XRRA1: variants seen among roughly 807,000 people sequenced by gnomAD.
XRRA1 encodes X-ray radiation resistance-associated protein 1.
A neutral mutation model predicts 80.2 loss-of-function variants in XRRA1; 69 were observed. The ratio of observed to expected loss-of-function variants is 0.86; its 90% CI spans 0.71 to 1.05. The LOEUF is 1.05. Among genes scored for constraint, XRRA1 ranks in the 50% least tolerant of loss-of-function variants. The probability of loss-of-function intolerance (pLI) is 0.00; values close to 1 mark genes in which losing one functional copy is unlikely to be tolerated. For synonymous variants in XRRA1, 348 were observed against 389.9 expected, an observed-to-expected ratio of 0.89 and a Z score of 1.27; for missense variants, 967 against 976.4, an observed-to-expected ratio of 0.99 and a Z score of 0.13.
At chr11:74,883,281 C>A (rs1419549975) in intron 10 of XRRA1, among the ~76,000 whole-genome samples, 2 of 152,200 alleles carry the variant, frequency 1.3e-5, no homozygotes, top group Admixed American at 6.5e-5. Context: ...TTTCCAGGTG[C>A]CGTCCGTCAC....
At chr11:74,906,654 G>T (rs2054667279) in intron 9 of XRRA1, among the ~76,000 whole-genome samples, 198 bp from the exon 10 acceptor site, 1 of 152,136 alleles carries the variant, frequency 6.6e-6, no homozygotes, top group Admixed American at 6.5e-5. Flanking sequence ...TAACCTTTCA[G>T]GGTTCTTGTG....
intron 13 of XRRA1, 89 bp downstream of exon 13, chr11:74,851,900 A>G: frequency 1.8e-6 from 2 of 1,113,040 alleles, no homozygotes; most frequent in East Asian, 2.4e-5. Context: ...AGTAGATCCC[A>G]GGGCTTGGCA....
intron 11 of XRRA1, 106 bp downstream of exon 11, chr11:74,862,875 G>A: frequency 9.8e-7 from 1 of 1,024,438 alleles, no homozygotes; most frequent in Non-Finnish European, 1.4e-6. Context: ...CTTCCTCAGT[G>A]TGATCTATAG....
At chr11:74,850,082 T>C (rs1703915234) in intron 14 of XRRA1, among the ~76,000 whole-genome samples, 1 of 152,182 alleles carries the variant, frequency 6.6e-6, no homozygotes, top group African/African-American at 2.4e-5. Context: ...GCATCTGTGT[T>C]TATTTAACTC....
At chr11:74,844,398 GTC>G (rs2037430606) in intron 16 of XRRA1, 115 bp from the exon 17 acceptor site, 1 of 735,762 alleles carries the variant, frequency 1.4e-6, no homozygotes, top group African/African-American at 1.8e-5. Context: ...GGATTTGAGA[GTC>G]CCCAAAAGAA....
At chr11:74,914,597 A>G (rs112274215) in intron 8 of XRRA1, among the ~76,000 whole-genome samples, 40 of 151,622 alleles carry the variant, frequency 2.6e-4, no homozygotes, top group African/African-American at 9.4e-4. Flanking sequence ...CCTCTCATAT[A>G]TGTCCTGGTT....
chr11:74,847,184 A>C (rs2038479689), intron 15 of XRRA1, among the ~76,000 whole-genome samples: 1 of 152,200 alleles, frequency 6.6e-6, no homozygotes, highest in African/African-American at 2.4e-5. Flanking sequence ...TATTTCTTTA[A>C]GATACTTTTA....
chr11:74,909,551 G>A (rs543309079), intron 8 of XRRA1, among the ~76,000 whole-genome samples: 1 of 152,208 alleles, frequency 6.6e-6, no homozygotes, highest in African/African-American at 2.4e-5. Context: ...TTATAGCATG[G>A]GAAAGTTTCA....
Position 74,843,871 on chromosome 11 carries a change from A to G in XRRA1, c.2132T>C (p.Ile711Thr). 6.2e-7 allele frequency: 1 copy of G among 1,611,258 alleles called. No individual in the cohort carries two copies. The highest frequency in any genetic ancestry group is 8.5e-7 in the Non-Finnish European group (1 of 1,178,730). ...IFIRLRDPRN[I>T]TEAPLGAVLH... is the part of the protein sequence containing the mutation. ...AGCCGTACCTAGTGGAGCCTCTGTA[A>G]TGTTCCGGGGATCCCGCAAGCGAAT... The change falls in exon 18 of 19, where the codon ATT (isoleucine) becomes ACT (threonine). Residue 711 changes from isoleucine (I) to threonine (T), a missense_variant. Physicochemically the swap from Ile to Thr is moderately conservative, Grantham distance 89 (BLOSUM62 -1). Transcript: ENST00000684022.
chr11:74,911,783 C>G (rs890245751), intron 8 of XRRA1, among the ~76,000 whole-genome samples: 1 of 152,040 alleles, frequency 6.6e-6, no homozygotes, highest in African/African-American at 2.4e-5. Context: ...TCTAAAAACC[C>G]AGAGGGAGAA....
At chr11:74,853,871 G>C (rs955860587) in intron 12 of XRRA1, among the ~76,000 whole-genome samples, 2 of 152,158 alleles carry the variant, frequency 1.3e-5, no homozygotes, top group African/African-American at 4.8e-5. Context: ...GGCTGGAAAT[G>C]CAAGTAGGGG....
intron 12 of XRRA1, among the ~76,000 whole-genome samples, chr11:74,854,951 G>A (rs1271581019): frequency 1.3e-5 from 2 of 152,114 alleles, no homozygotes; most frequent in Non-Finnish European, 1.5e-5. Flanking sequence ...TCGGGAGGCT[G>A]AGGCAGAAGA....
At position 74,848,275 on chromosome 11, in the gene XRRA1, G is replaced by T. The variant is rs773236218; in HGVS notation, c.1568C>A (p.Pro523Gln). ...MPTENLEGHS[P>Q]SCRTFVPLPP... is the part of the protein sequence containing the mutation. ...CAGTGGCACGAAGGTCCGGCAAGAC[G>T]GGGAATGGCCTTCCAGGTTCTCAGT... Residue 523 changes from proline to glutamine, a missense_variant, in exon 15 of 19, where the codon CCG becomes CAG. By Grantham distance (76) the Pro-to-Gln change is moderately conservative (BLOSUM62 -1). Coordinates refer to ENST00000684022, the MANE Select transcript of XRRA1 (RefSeq NM_001378157.1). 10 of 1,613,930 alleles carry T rather than the reference G, an allele frequency of 6.2e-6. No homozygotes were observed. Among genetic ancestry groups the T allele is most frequent in the Non-Finnish European group, 7.6e-6 (9 of 1,179,870 alleles).
At chr11:74,936,678 A>G (rs1173507410) in intron 4 of XRRA1, among the ~76,000 whole-genome samples, 4 of 152,234 alleles carry the variant, frequency 2.6e-5, no homozygotes, top group African/African-American at 9.6e-5. Context: ...GACAATACCT[A>G]TCTCACTAGG....
intron 14 of XRRA1, among the ~76,000 whole-genome samples, chr11:74,848,874 C>G (rs1171263035): frequency 6.6e-6 from 1 of 152,174 alleles, no homozygotes; most frequent in African/African-American, 2.4e-5. Context: ...AACATGGTGC[C>G]TATGGCTTTC....
At chr11:74,908,111 A>G (rs1032396463) in intron 8 of XRRA1, among the ~76,000 whole-genome samples, 3 of 152,228 alleles carry the variant, frequency 2.0e-5, no homozygotes, top group African/African-American at 7.2e-5. Flanking sequence ...CATATAGTAT[A>G]CACATATATA....
At chr11:74,931,581 T>C (rs547549559) in intron 5 of XRRA1, among the ~76,000 whole-genome samples, 1 of 152,286 alleles carries the variant, frequency 6.6e-6, no homozygotes, top group South Asian at 2.1e-4. Flanking sequence ...TACCTCAGCC[T>C]CCCAAAGTGC....
At position 74,852,760 on chromosome 11, in the gene XRRA1, C is replaced by T. The variant is rs147271410; in HGVS notation, c.1171-678G>A. ...AAATATACAAGCTTTGTTGAGCAGA[C>T]TGCCTGGAAAAGCTGGACCATCTTG... On this transcript the variant is annotated intron_variant, in intron 12 of 18. Transcript: ENST00000684022. Among the ~76,000 whole-genome samples, 450 of 152,362 alleles carry T rather than the reference C, an allele frequency of 3.0e-3. 2 individuals carry two copies. The highest frequency in any genetic ancestry group is 0.023 in the South Asian group (109 of 4,834).
At chr11:74,888,514 T>C (rs922268664) in intron 10 of XRRA1, among the ~76,000 whole-genome samples, 1 of 152,140 alleles carries the variant, frequency 6.6e-6, no homozygotes, top group African/African-American at 2.4e-5. Flanking sequence ...AGAATGCCTC[T>C]CCTCCTCCAA....
Sources: gnomAD v4.1 joint callset for allele counts (sites outside exome capture counted in the v4.1 genomes callset) on GRCh38, gnomAD v4.1.1 for gene constraint, MANE v1.5 for transcripts, NCBI Gene and HGNC (gene_info 2026-07-23, HGNC 2026-07-21) for gene names.